The following ARHGEF7 variants were observed in gnomAD, a reference collection of about 807,000 sequenced individuals.
ARHGEF7 encodes Rho guanine nucleotide exchange factor 7.
Under a neutral mutation model 109.8 loss-of-function variants are expected in ARHGEF7, and 33 were observed. The observed-to-expected ratio is 0.30, with a 90% CI of 0.23 to 0.40. The LOEUF (loss-of-function observed/expected upper bound fraction) is 0.40, where lower values mean the gene tolerates loss of function less well. ARHGEF7 is among the 10% of genes least tolerant of loss of function. ARHGEF7 has a pLI of 1.00. For missense variants in ARHGEF7, 938 were observed against 1,098.5 expected (o/e 0.85, Z 2.07); for synonymous variants, 458 against 424.6 (o/e 1.08, Z -0.97).
At chr13:111,190,356 G>A (rs2079736621) in intron 2 of ARHGEF7, among the ~76,000 whole-genome samples, 1 of 151,976 alleles carries the variant, frequency 6.6e-6, no homozygotes, top group African/African-American at 2.4e-5. Flanking sequence ...TAAACACCGG[G>A]CAGCATCTCG....
chr13:111,280,766 C>T, intron 15 of ARHGEF7, 89 bp downstream of exon 15: 1 of 1,363,460 alleles, frequency 7.3e-7, no homozygotes, highest in Non-Finnish European at 9.8e-7. Flanking sequence ...GCTTTAAAAC[C>T]TAATCAATAT....
At chr13:111,248,423 T>C (rs1181438719) in intron 8 of ARHGEF7, among the ~76,000 whole-genome samples, 1 of 152,190 alleles carries the variant, frequency 6.6e-6, no homozygotes, top group East Asian at 1.9e-4. Context: ...TTTTACCAAA[T>C]GTGGGGAATT....
chr13:111,277,488 GT>G, intron 12 of ARHGEF7, 98 bp from the exon 13 acceptor site: 1 of 709,020 alleles, frequency 1.4e-6, no homozygotes, highest in East Asian at 2.6e-5. Context: ...ATCATGTAAT[GT>G]TTCATAGGGC....
chr13:111,148,731 A>G (rs1195710067), intron 1 of ARHGEF7, among the ~76,000 whole-genome samples: 1 of 152,244 alleles, frequency 6.6e-6, no homozygotes, highest in Admixed American at 6.5e-5. Flanking sequence ...ACAATGAGAA[A>G]TATTGATGGT....
chr13:111,120,316 G>A (rs1484015968), intron 1 of ARHGEF7, among the ~76,000 whole-genome samples: 3 of 152,220 alleles, frequency 2.0e-5, no homozygotes, highest in Non-Finnish European at 4.4e-5. Flanking sequence ...AGAAACTAGT[G>A]TTTATGTTGG....
intron 2 of ARHGEF7, among the ~76,000 whole-genome samples, chr13:111,163,701 T>C (rs2076917061): frequency 6.6e-6 from 1 of 151,964 alleles, no homozygotes; most frequent in African/African-American, 2.4e-5. Context: ...GCCTGGCTAA[T>C]TTTTGTATTT....
At chr13:111,168,703 T>G (rs764190248) in intron 2 of ARHGEF7, among the ~76,000 whole-genome samples, 1 of 152,220 alleles carries the variant, frequency 6.6e-6, no homozygotes, top group South Asian at 2.1e-4. Flanking sequence ...GGGTTTAGTT[T>G]TTTGAAGCTT....
At chr13:111,252,078 G>A (rs913057375) in intron 8 of ARHGEF7, among the ~76,000 whole-genome samples, 3 of 152,168 alleles carry the variant, frequency 2.0e-5, no homozygotes, top group African/African-American at 4.8e-5. Context: ...AAGGTGCAGC[G>A]GGTGATTTGC....
chr13:111,133,510 G>A (rs1295321737), intron 1 of ARHGEF7, among the ~76,000 whole-genome samples: 1 of 151,666 alleles, frequency 6.6e-6, no homozygotes, highest in African/African-American at 2.4e-5. Context: ...TGCTCAACAC[G>A]AACTTTTGTC....
chr13:111,259,155 A>G (rs1304738538), intron 8 of ARHGEF7, among the ~76,000 whole-genome samples: 1 of 152,138 alleles, frequency 6.6e-6, no homozygotes, highest in Non-Finnish European at 1.5e-5. Flanking sequence ...GCCAAGGAGA[A>G]CTCACCGTCC....
At chr13:111,153,727 G>A (rs1197813137) in intron 1 of ARHGEF7, 178 bp from the exon 2 acceptor site, 7 of 1,334,592 alleles carry the variant, frequency 5.2e-6, no homozygotes, top group Non-Finnish European at 6.7e-6. Flanking sequence ...AAAGGGTGAG[G>A]AGAAGCAGCG....
In ARHGEF7 at chr13:111,131,946, G is replaced by T. The variant is rs1183541683; in HGVS notation, c.165+16255G>T. Among the ~76,000 whole-genome samples, 1 of 152,292 alleles carries T rather than the reference G, an allele frequency of 6.6e-6. No individual in the cohort carries two copies. Among genetic ancestry groups the T allele is most frequent in the East Asian group, 1.9e-4 (1 of 5,182 alleles). On this transcript the variant is annotated intron_variant, in intron 1 of 21. Coordinates refer to ENST00000646102, the MANE Select transcript of ARHGEF7 (RefSeq NM_001354046.2). This position sits in a 1 kb window ranked among gnomAD's most constrained non-coding sequence, Gnocchi z 4.4. ...GAATAGAGTTGTGGAGTATGAGAGA[G>T]GGGTGGACTCAGTGAGGGGGTGGAC...
intron 2 of ARHGEF7, among the ~76,000 whole-genome samples, chr13:111,187,221 G>C (rs1005979995): frequency 9.9e-5 from 15 of 152,190 alleles, no homozygotes; most frequent in African/African-American, 3.4e-4. Context: ...TGCTGTGTCC[G>C]TTATTGTTGG....
chr13:111,268,669 TG>T (rs2091884388), intron 9 of ARHGEF7, among the ~76,000 whole-genome samples: 2 of 152,190 alleles, frequency 1.3e-5, no homozygotes, highest in Admixed American at 6.5e-5. Context: ...TGGCTGTGGC[TG>T]CTCCCTTCAG....
At chr13:111,265,193 G>T (rs1311571358) in intron 8 of ARHGEF7, among the ~76,000 whole-genome samples, 1 of 151,284 alleles carries the variant, frequency 6.6e-6, no homozygotes, top group African/African-American at 2.4e-5. Context: ...GAGAGAAAAC[G>T]GTGGGTGGTG....
intron 13 of ARHGEF7, among the ~76,000 whole-genome samples, chr13:111,279,758 G>C (rs183144522): frequency 6.6e-6 from 1 of 152,222 alleles, no homozygotes; most frequent in Non-Finnish European, 1.5e-5. Flanking sequence ...TGTGCATTGT[G>C]TGCAGCATTT....
chr13:111,225,920 T>A (rs2085152142), intron 5 of ARHGEF7, among the ~76,000 whole-genome samples: 1 of 152,150 alleles, frequency 6.6e-6, no homozygotes, highest in African/African-American at 2.4e-5. Flanking sequence ...TCACTTTAAA[T>A]AAAAAGCTAG....
rs184450159 is a variant in ARHGEF7 at position 111,239,581 on chromosome 13, A to G, written c.760-4291A>G. On this transcript the variant is annotated intron_variant, in intron 6 of 21. Coordinates refer to ENST00000646102, the MANE Select transcript of ARHGEF7 (RefSeq NM_001354046.2). The surrounding 1 kb of genome is among the most constrained non-coding windows in gnomAD (Gnocchi z 4.3). ...TTGCCCTTGGCTTTTCTCCACCTCAATGAAGATTTCTGTTAAATCTTTTGA... is the reference window on the plus strand; with the variant it reads ...TTGCCCTTGGCTTTTCTCCACCTCAGTGAAGATTTCTGTTAAATCTTTTGA... 1.2e-3 allele frequency among the ~76,000 whole-genome samples: 178 copies of G among 152,004 alleles called. No homozygotes were observed. Among genetic ancestry groups the G allele is most frequent in the African/African-American group, 3.2e-3 (133 of 41,450 alleles).
chr13:111,138,218 C>T (rs757288202), intron 1 of ARHGEF7, among the ~76,000 whole-genome samples: 3 of 152,052 alleles, frequency 2.0e-5, no homozygotes, highest in Non-Finnish European at 4.4e-5. Flanking sequence ...GGGGCTAAGG[C>T]TGGAGAATCG....
Sources: allele counts gnomAD v4.1 joint callset (sites outside exome capture counted in the v4.1 genomes callset), GRCh38; gene constraint gnomAD v4.1.1; non-coding constraint Gnocchi (gnomAD v3.1); transcripts MANE v1.5; gene names NCBI Gene and HGNC (gene_info 2026-07-23, HGNC 2026-07-21).